DNAH10: variants seen among roughly 807,000 people sequenced by gnomAD.
DNAH10 encodes the protein axonemal beta dynein heavy chain 10.
DNAH10 carries 348 observed loss-of-function variants against 506.6 expected under a neutral mutation model. The observed-to-expected ratio is 0.69, with a 90% CI of 0.63 to 0.75. DNAH10 has a LOEUF of 0.75. Ranked by LOEUF, DNAH10 falls within the 30% of genes least tolerant of loss-of-function variation. DNAH10 has a pLI of 0.00. For missense variants in DNAH10, 5,179 were observed against 5,787.1 expected, an observed-to-expected ratio of 0.89 and a Z score of 3.41; for synonymous variants, 2,059 against 2,198.6, an observed-to-expected ratio of 0.94 and a Z score of 1.78.
chr12:123,770,976 T>TC (rs1298088041), intron 2 of DNAH10, among the ~76,000 whole-genome samples: 2 of 145,372 alleles, frequency 1.4e-5, no homozygotes, highest in Non-Finnish European at 3.0e-5. Context: ...CTGTAATTCT[T>TC]TTTTTTTTTT....
chr12:123,862,420 G>A (rs187549852), intron 39 of DNAH10, among the ~76,000 whole-genome samples: 34 of 151,050 alleles, frequency 2.3e-4, no homozygotes, highest in East Asian at 5.9e-4. Context: ...GAGAGGGGTC[G>A]TGCTCTGTTG....
chr12:123,851,184 A>G, intron 35 of DNAH10, 108 bp downstream of exon 35: 4 of 1,213,098 alleles, frequency 3.3e-6, no homozygotes, highest in Non-Finnish European at 4.4e-6. Flanking sequence ...TCCAGACGGG[A>G]CCTAGGATGT....
rs753495056 is a variant in DNAH10, at chr12:123,820,778, C to T, written c.4179+20C>T. 2.6e-5 allele frequency: 42 copies of T among 1,612,702 alleles called. No individual in the cohort carries two copies. In the Middle Eastern group the frequency reaches 5.0e-4, roughly 19 times the overall value. ...CTAAAGGTGAGCATCTCCCTGAAAGCGAAGGACTCAGGCTCACTGAAGGGG... is the reference window on the plus strand; with the variant it reads ...CTAAAGGTGAGCATCTCCCTGAAAGTGAAGGACTCAGGCTCACTGAAGGGG... On this transcript the variant is annotated intron_variant, in intron 24 of 78. Coordinates refer to ENST00000673944, the MANE Select transcript of DNAH10 (RefSeq NM_001372106.1).
intron 54 of DNAH10, among the ~76,000 whole-genome samples, chr12:123,895,575 A>G (rs1953181492): frequency 6.6e-6 from 1 of 152,170 alleles, no homozygotes; most frequent in African/African-American, 2.4e-5. Flanking sequence ...GCAGTCATAG[A>G]CAATACGTAA....
At chr12:123,838,264 A>G (rs1427271115) in intron 28 of DNAH10, among the ~76,000 whole-genome samples, 192 bp from the exon 29 acceptor site, 1 of 152,218 alleles carries the variant, frequency 6.6e-6, no homozygotes, top group Non-Finnish European at 1.5e-5. Flanking sequence ...CATGTAGTAC[A>G]TTAGAAGGTG....
intron 28 of DNAH10, among the ~76,000 whole-genome samples, chr12:123,836,851 T>C (rs1406122238): frequency 2.0e-5 from 3 of 150,920 alleles, no homozygotes; most frequent in Non-Finnish European, 4.4e-5. Context: ...AAACTCTGTC[T>C]CTCTCTCTTT....
intron 54 of DNAH10, among the ~76,000 whole-genome samples, chr12:123,896,148 C>CACACAGAG (rs1383690518): frequency 8.3e-4 from 79 of 95,288 alleles, no homozygotes; most frequent in Middle Eastern, 5.4e-3. Context: ...CACACACACA[C>CACACAGAG]AGAGAGAGAG....
chr12:123,867,748 TG>T, intron 42 of DNAH10, 147 bp downstream of exon 42: 2 of 1,361,874 alleles, frequency 1.5e-6, no homozygotes, highest in South Asian at 2.9e-5. Context: ...CTTGCTTTTG[TG>T]CAAGTCAAGA....
At chr12:123,906,694 T>G (rs2137342045) in intron 57 of DNAH10, among the ~76,000 whole-genome samples, 1 of 152,262 alleles carries the variant, frequency 6.6e-6, no homozygotes, top group Admixed American at 6.5e-5. Flanking sequence ...TTTCCTGGGG[T>G]TCTGTGTGAG....
Position 123,923,876 on chromosome 12 carries a change from T to C in DNAH10, c.11611+9T>C, listed in dbSNP as rs754346962. 4 of 1,580,208 alleles carry C rather than the reference T, an allele frequency of 2.5e-6. No individual in the cohort carries two copies. In the South Asian group the frequency reaches 4.6e-5, roughly 18 times the overall value. On this transcript the variant is annotated intron_variant, in intron 66 of 78. Coordinates refer to ENST00000673944, the MANE Select transcript of DNAH10 (RefSeq NM_001372106.1). ...AGATTTCTTTTTAAAAGGTAATGAA[T>C]TTGCCTAGCTTCATTCCTCCCATCT...
intron 18 of DNAH10, among the ~76,000 whole-genome samples, chr12:123,805,773 CT>C (rs779610748): frequency 0.059 from 8,216 of 138,560 alleles, 202 homozygotes; most frequent in African/African-American, 0.12. Flanking sequence ...CTCTTCTTTT[CT>C]TTTTTTTTTT....
intron 52 of DNAH10, among the ~76,000 whole-genome samples, chr12:123,889,381 G>A (rs907773990): frequency 1.3e-5 from 2 of 152,108 alleles, no homozygotes; most frequent in African/African-American, 4.8e-5. Context: ...GTGGGTTGTC[G>A]GCTCCTTGAG....
Position 123,850,600 on chromosome 12 carries a change from C to T in DNAH10, c.6103-288C>T, listed in dbSNP as rs1032757919. ...TGACCTGCTGAGGGTCACACAGCTT[C>T]TTGTATCAGCCCCAGACTCTGTGCT... On this transcript the variant is annotated intron_variant, in intron 34 of 78. Coordinates refer to ENST00000673944, the MANE Select transcript of DNAH10 (RefSeq NM_001372106.1). The surrounding 1 kb of genome is among the most constrained non-coding windows in gnomAD (Gnocchi z 5.5). Among the ~76,000 whole-genome samples the T allele has an allele frequency of 2.6e-5, 4 of 152,222 alleles. No homozygotes were observed. In the East Asian group the frequency reaches 7.7e-4, roughly 29 times the overall value.
intron 7 of DNAH10, among the ~76,000 whole-genome samples, chr12:123,783,563 C>T (rs963332930): frequency 2.0e-5 from 3 of 152,178 alleles, no homozygotes; most frequent in African/African-American, 7.2e-5. Context: ...TTCCTTGGCT[C>T]ACATAATGGA....
Position 123,895,267 on chromosome 12 carries a change from A to G in DNAH10, c.9280+544A>G, listed in dbSNP as rs572928781. On this transcript the variant is annotated intron_variant, in intron 54 of 78. Coordinates refer to ENST00000673944, the MANE Select transcript of DNAH10 (RefSeq NM_001372106.1). ...CCTTGGATATTAATTTTAATGTTTG[A>G]ATAAGAAAGGAAGTCTGTCTTCAGG... Among the ~76,000 whole-genome samples, 3 of 152,370 alleles carry G rather than the reference A, an allele frequency of 2.0e-5. No homozygotes were observed. The East Asian group carries it at 5.8e-4, about 29-fold the overall frequency.
chr12:123,872,432 C>T (rs1273855683), intron 45 of DNAH10, among the ~76,000 whole-genome samples: 1 of 152,098 alleles, frequency 6.6e-6, no homozygotes, highest in Non-Finnish European at 1.5e-5. Flanking sequence ...TTCACAACAC[C>T]CCTACCCCAG....
intron 23 of DNAH10, among the ~76,000 whole-genome samples, chr12:123,819,989 G>A (rs148477798): frequency 6.6e-6 from 1 of 152,126 alleles, no homozygotes; most frequent in South Asian, 2.1e-4. Context: ...ACAGGCCTGA[G>A]CCACTGAGCC....
intron 29 of DNAH10, among the ~76,000 whole-genome samples, chr12:123,838,899 A>G (rs1430771150): frequency 1.3e-5 from 2 of 151,702 alleles, no homozygotes; most frequent in Non-Finnish European, 2.9e-5. Context: ...TGCAGCCTCC[A>G]CCTCCCCGAC....
rs778642744 is a variant in DNAH10, at chr12:123,926,602, G to A, written c.11922-35G>A. The A allele has an allele frequency of 8.9e-5, 143 of 1,600,796 alleles. No individual in the cohort carries two copies. The highest frequency in any genetic ancestry group is 1.9e-4 in the Middle Eastern group (1 of 5,230). On this transcript the variant is annotated intron_variant, in intron 68 of 78. Coordinates refer to ENST00000673944, the MANE Select transcript of DNAH10 (RefSeq NM_001372106.1). The surrounding 1 kb of genome is among the most constrained non-coding windows in gnomAD (Gnocchi z 4.1). ...CAGCCCCTGGTCTGGAGCTGTCCTCGCGGGAGAGTTTTCTGACTGTGTTTC... is the reference window on the plus strand; with the variant it reads ...CAGCCCCTGGTCTGGAGCTGTCCTCACGGGAGAGTTTTCTGACTGTGTTTC...
Sources: allele counts gnomAD v4.1 joint callset (sites outside exome capture counted in the v4.1 genomes callset), GRCh38; gene constraint gnomAD v4.1.1; non-coding constraint Gnocchi (gnomAD v3.1); transcripts MANE v1.5; gene names NCBI Gene and HGNC (gene_info 2026-07-23, HGNC 2026-07-21).